Variants in OPCML observed in about 807,000 individuals in gnomAD.
The protein encoded by OPCML is opioid-binding protein/cell adhesion molecule.
OPCML carries 13 observed loss-of-function variants against 37.8 expected under a neutral mutation model. The observed-to-expected ratio is 0.34, with a 90% confidence interval of 0.22 to 0.55. OPCML has a LOEUF of 0.55. OPCML is among the 20% of genes least tolerant of loss of function. The pLI is 0.91. For missense variants in OPCML, 341 were observed against 435.6 expected, an observed-to-expected ratio of 0.78 and a Z score of 1.93; for synonymous variants, 176 against 168.8, an observed-to-expected ratio of 1.04 and a Z score of -0.33.
At chr11:132,854,347 C>T (rs1199978241) in intron 2 of OPCML, among the ~76,000 whole-genome samples, 1 of 152,130 alleles carries the variant, frequency 6.6e-6, no homozygotes, top group African/African-American at 2.4e-5. Context: ...GAACTCAGTC[C>T]TTCTGGGTTT....
At chr11:133,198,687 C>A (rs1224629693) in intron 1 of OPCML, among the ~76,000 whole-genome samples, 4 of 152,194 alleles carry the variant, frequency 2.6e-5, no homozygotes, top group Non-Finnish European at 5.9e-5. Context: ...TACAGAGAGA[C>A]CATGGGAGTG....
chr11:132,894,959 C>T (rs1943780469), intron 2 of OPCML, among the ~76,000 whole-genome samples: 1 of 152,152 alleles, frequency 6.6e-6, no homozygotes, highest in Admixed American at 6.5e-5. Context: ...TAATAAATCC[C>T]CTCACATATA....
intron 1 of OPCML, among the ~76,000 whole-genome samples, chr11:132,985,663 T>C (rs1946671205): frequency 6.6e-6 from 1 of 152,232 alleles, no homozygotes; most frequent in African/African-American, 2.4e-5. Context: ...TAATGTAGCC[T>C]GAATATAGGA....
intron 1 of OPCML, among the ~76,000 whole-genome samples, chr11:133,314,284 T>G (rs1332917289): frequency 7.4e-6 from 1 of 134,602 alleles, no homozygotes; most frequent in Non-Finnish European, 1.6e-5. Flanking sequence ...TATAAGAAAC[T>G]AGCTAAACTA....
intron 1 of OPCML, among the ~76,000 whole-genome samples, chr11:133,347,237 C>T (rs1030683261): frequency 6.6e-6 from 1 of 152,178 alleles, no homozygotes; most frequent in Non-Finnish European, 1.5e-5. Flanking sequence ...CCTGTTGCTG[C>T]TACACCTCTC....
chr11:133,420,811 A>G, intron 1 of OPCML: 1 of 985,456 alleles, frequency 1.0e-6, no homozygotes, highest in Non-Finnish European at 1.2e-6. Flanking sequence ...TTTGAAAACT[A>G]GAAGGAACAT....
chr11:132,714,054 A>C (rs1944374855), intron 2 of OPCML, among the ~76,000 whole-genome samples: 1 of 152,238 alleles, frequency 6.6e-6, no homozygotes, highest in Non-Finnish European at 1.5e-5. Flanking sequence ...TTGTTTATGA[A>C]AATTTTAAAT....
intron 2 of OPCML, among the ~76,000 whole-genome samples, chr11:132,827,028 A>G (rs1039322388): frequency 6.6e-6 from 1 of 152,198 alleles, no homozygotes; most frequent in East Asian, 1.9e-4. Context: ...TTTGTAACTT[A>G]ATTTGAGATC....
intron 2 of OPCML, among the ~76,000 whole-genome samples, chr11:132,899,412 A>G (rs2136492309): frequency 6.6e-6 from 1 of 152,166 alleles, no homozygotes; most frequent in African/African-American, 2.4e-5. Flanking sequence ...ATGTGTTGTT[A>G]ATTTTACATC....
At chr11:133,151,260 G>A (rs560036681) in intron 1 of OPCML, among the ~76,000 whole-genome samples, 26 of 151,888 alleles carry the variant, frequency 1.7e-4, no homozygotes, top group African/African-American at 5.6e-4. Flanking sequence ...GCAACAGAGC[G>A]AGACTCTGTC....
intron 2 of OPCML, among the ~76,000 whole-genome samples, chr11:132,738,164 G>A (rs1249517889): frequency 2.0e-5 from 3 of 152,184 alleles, no homozygotes; most frequent in African/African-American, 7.2e-5. Flanking sequence ...AGGAGACATG[G>A]GCTGAGAAGC....
chr11:132,726,300 A>G (rs1460475957), intron 2 of OPCML, among the ~76,000 whole-genome samples: 1 of 152,172 alleles, frequency 6.6e-6, no homozygotes, highest in East Asian at 1.9e-4. Context: ...CACATCTTAC[A>G]TGGATGGCAG....
intron 1 of OPCML, among the ~76,000 whole-genome samples, chr11:133,515,706 G>C (rs750465737): frequency 5.3e-5 from 8 of 152,108 alleles, no homozygotes; most frequent in African/African-American, 9.6e-5. Context: ...GGGAAAGGAA[G>C]TACCTTTACC....
intron 3 of OPCML, among the ~76,000 whole-genome samples, chr11:132,652,580 C>T (rs1482504288): frequency 6.6e-6 from 1 of 152,128 alleles, no homozygotes; most frequent in Non-Finnish European, 1.5e-5. Flanking sequence ...GCTGCAGTTA[C>T]CTAATTTGTA....
At chr11:133,250,008 A>G (rs1181071102) in intron 1 of OPCML, among the ~76,000 whole-genome samples, 1 of 152,210 alleles carries the variant, frequency 6.6e-6, no homozygotes, top group Non-Finnish European at 1.5e-5. Context: ...CAGAAACTCA[A>G]CTTGCCTGGT....
At chr11:132,728,164 C>A (rs6590653) in intron 2 of OPCML, among the ~76,000 whole-genome samples, 2 of 152,202 alleles carry the variant, frequency 1.3e-5, no homozygotes, top group African/African-American at 4.8e-5. Context: ...CGGCGCAGCC[C>A]GCCCACCCCG....
chr11:132,839,412 C>A (rs149114328), intron 2 of OPCML, among the ~76,000 whole-genome samples: 14 of 152,348 alleles, frequency 9.2e-5, no homozygotes, highest in Non-Finnish European at 1.6e-4. Flanking sequence ...AGGACAAACT[C>A]GCGACTCCTT....
At chr11:132,520,702 G>GTGTGTGTGTGTGTA (rs150655288) in intron 4 of OPCML, among the ~76,000 whole-genome samples, 22,421 of 149,168 alleles carry the variant, frequency 0.15, 2,136 homozygotes, top group Middle Eastern at 0.26. Flanking sequence ...GTGTGTGTGT[G>GTGTGTGTGTGTGTA]TATGCATATA....
chr11:133,370,843 T>C (rs534291623), intron 1 of OPCML, among the ~76,000 whole-genome samples: 2 of 152,294 alleles, frequency 1.3e-5, no homozygotes, highest in South Asian at 2.1e-4. Flanking sequence ...AACTAAAAAG[T>C]TCTTCACAGC....
Sources: gnomAD v4.1 joint callset for allele counts (sites outside exome capture counted in the v4.1 genomes callset) on GRCh38, gnomAD v4.1.1 for gene constraint, MANE v1.5 for transcripts, NCBI Gene and HGNC (gene_info 2026-07-23, HGNC 2026-07-21) for gene names.